TSHZ2: variants seen among roughly 807,000 people sequenced by gnomAD.
TSHZ2 encodes the protein teashirt zinc finger homeobox 2, also known as teashirt homolog 2.
In TSHZ2, 21 loss-of-function variants were observed where a neutral mutation model predicts 74.4. The ratio of observed to expected loss-of-function variants is 0.28; its 90% confidence interval spans 0.20 to 0.41. The LOEUF (loss-of-function observed/expected upper bound fraction) is 0.41, where lower values mean the gene tolerates loss of function less well. Among genes scored for constraint, TSHZ2 ranks in the 10% least tolerant of loss-of-function variants. TSHZ2 has a pLI of 1.00. For missense variants in TSHZ2, 1,244 were observed against 1,293.5 expected, an observed-to-expected ratio of 0.96 and a Z score of 0.59; for synonymous variants, 540 against 515.3, an observed-to-expected ratio of 1.05 and a Z score of -0.65.
chr20:52,986,501 G>A (rs1298839958), intron 1 of TSHZ2, among the ~76,000 whole-genome samples: 1 of 151,894 alleles, frequency 6.6e-6, no homozygotes, highest in Non-Finnish European at 1.5e-5. Context: ...AAGCCGAGGT[G>A]GCAGATCACC....
chr20:53,017,887 T>C lies in TSHZ2; in HGVS notation c.40+44554T>C, dbSNP rs116000763. Among the ~76,000 whole-genome samples, 1,115 of 152,338 alleles carry C rather than the reference T, an allele frequency of 7.3e-3. 15 individuals carry two copies. The highest frequency in any genetic ancestry group is 0.026 in the African/African-American group (1,071 of 41,574). ...TGTCTCTCTTTCACAATAGACTATGTAACTTTCATGGGATTTTATTAATCT... is the reference window on the plus strand; with the variant it reads ...TGTCTCTCTTTCACAATAGACTATGCAACTTTCATGGGATTTTATTAATCT... On this transcript the variant is annotated intron_variant, in intron 1 of 2. Coordinates refer to ENST00000371497, the MANE Select transcript of TSHZ2 (RefSeq NM_173485.6).
intron 1 of TSHZ2, among the ~76,000 whole-genome samples, chr20:53,016,036 T>C (rs558028978): frequency 6.6e-6 from 1 of 152,184 alleles, no homozygotes; most frequent in Non-Finnish European, 1.5e-5. Context: ...CTCAGCGATG[T>C]AAATCACCAT....
rs116399721 is a variant in TSHZ2, at chr20:53,126,254, G to A, written c.41-127245G>A. On this transcript the variant is annotated intron_variant, in intron 1 of 2. Coordinates refer to ENST00000371497, the MANE Select transcript of TSHZ2 (RefSeq NM_173485.6). ...AGCGATGTCCACAAAGAGAGCCAGC[G>A]CTTCCTATGCCTGTGCGATCACACA... is the stretch of plus-strand genomic sequence containing the variant. Among the ~76,000 whole-genome samples, 563 of 152,286 alleles carry A rather than the reference G, an allele frequency of 3.7e-3. 4 individuals carry two copies. The highest frequency in any genetic ancestry group is 0.013 in the African/African-American group (534 of 41,562).
intron 1 of TSHZ2, among the ~76,000 whole-genome samples, chr20:53,079,988 A>T (rs1001706007): frequency 6.6e-6 from 1 of 152,140 alleles, no homozygotes; most frequent in Admixed American, 6.5e-5. Context: ...GCCCAATGAA[A>T]ACTTGTTGCC....
chr20:53,081,341 A>G (rs1985528258), intron 1 of TSHZ2, among the ~76,000 whole-genome samples: 1 of 152,194 alleles, frequency 6.6e-6, no homozygotes. Context: ...TGCTTCCTTA[A>G]AACATAATTT....
chr20:53,419,321 C>T (rs1983383489), intron 2 of TSHZ2, among the ~76,000 whole-genome samples: 1 of 152,170 alleles, frequency 6.6e-6, no homozygotes, highest in African/African-American at 2.4e-5. Flanking sequence ...ACTCTTTGGA[C>T]TTTCATCTTT....
chr20:53,023,663 A>G lies in TSHZ2; in HGVS notation c.40+50330A>G, dbSNP rs895343073. ...GTTTTTTATGAGTTATCAAGTTATC[A>G]TGTTTCAAATACCATTTTTCTTCCT... On this transcript the variant is annotated intron_variant, in intron 1 of 2. Coordinates refer to ENST00000371497, the MANE Select transcript of TSHZ2 (RefSeq NM_173485.6). Among the ~76,000 whole-genome samples, 18 of 151,186 alleles carry G rather than the reference A, an allele frequency of 1.2e-4. No homozygotes were observed. The East Asian group carries it at 3.5e-3, about 29-fold the overall frequency.
At chr20:53,388,572 C>G (rs1270691736) in intron 2 of TSHZ2, among the ~76,000 whole-genome samples, 1 of 151,550 alleles carries the variant, frequency 6.6e-6, no homozygotes, top group Non-Finnish European at 1.5e-5. Flanking sequence ...CTTTCTTCTT[C>G]TACTTTTCTT....
chr20:53,309,932 C>T (rs1978708135), intron 2 of TSHZ2, among the ~76,000 whole-genome samples: 1 of 152,136 alleles, frequency 6.6e-6, no homozygotes, highest in African/African-American at 2.4e-5. Context: ...AACTCCATCT[C>T]GTTATTGGAC....
intron 1 of TSHZ2, among the ~76,000 whole-genome samples, chr20:52,983,129 T>C (rs1463876171): frequency 1.3e-5 from 2 of 152,184 alleles, no homozygotes; most frequent in African/African-American, 2.4e-5. Flanking sequence ...ATGGCGAGGC[T>C]GTGGAAAGGC....
intron 2 of TSHZ2, among the ~76,000 whole-genome samples, chr20:53,260,269 C>T (rs1990577227): frequency 6.6e-6 from 1 of 152,316 alleles, no homozygotes; most frequent in South Asian, 2.1e-4. Context: ...TTTATTCTCA[C>T]AAACAGCCGT....
At chr20:53,406,183 G>A (rs1216036217) in intron 2 of TSHZ2, among the ~76,000 whole-genome samples, 1 of 151,966 alleles carries the variant, frequency 6.6e-6, no homozygotes, top group African/African-American at 2.4e-5. Context: ...ATAAGAGGGA[G>A]AGAGCTGATG....
chr20:53,264,392 A>C (rs950303058), intron 2 of TSHZ2, among the ~76,000 whole-genome samples: 3 of 152,244 alleles, frequency 2.0e-5, no homozygotes, highest in African/African-American at 7.2e-5. Context: ...CTTATGCAGC[A>C]CTGGGCCACC....
chr20:53,303,279 C>T (rs1978384491), intron 2 of TSHZ2, among the ~76,000 whole-genome samples: 2 of 152,176 alleles, frequency 1.3e-5, no homozygotes, highest in African/African-American at 4.8e-5. Flanking sequence ...GACCTTTAAG[C>T]AATGATGACG....
chr20:53,170,866 C>T (rs1225422123), intron 1 of TSHZ2, among the ~76,000 whole-genome samples: 1 of 151,812 alleles, frequency 6.6e-6, no homozygotes, highest in Non-Finnish European at 1.5e-5. Context: ...CTGGCTCTCC[C>T]TCCTCCAGTC....
chr20:53,461,085 GGCT>G (rs1568928368), intron 2 of TSHZ2, among the ~76,000 whole-genome samples: 1 of 150,102 alleles, frequency 6.7e-6, no homozygotes, highest in African/African-American at 2.4e-5. Flanking sequence ...CGAGCTTCCC[GGCT>G]GCTTTGTTTA....
chr20:53,030,829 C>A (rs188267701), intron 1 of TSHZ2, among the ~76,000 whole-genome samples: 1 of 152,138 alleles, frequency 6.6e-6, no homozygotes, highest in African/African-American at 2.4e-5. Context: ...TAGAGGATAG[C>A]GTAATCCAGT....
intron 2 of TSHZ2, among the ~76,000 whole-genome samples, chr20:53,342,955 CTTTTTTTTTTTT>C (rs1175907478): frequency 9.8e-5 from 6 of 61,218 alleles, no homozygotes; most frequent in South Asian, 8.2e-4. Flanking sequence ...CTTTTCTTTT[CTTTTTTTTTTTT>C]TTTTTTTTTT....
chr20:53,117,193 T>C (rs565049298), intron 1 of TSHZ2, among the ~76,000 whole-genome samples: 48 of 152,242 alleles, frequency 3.2e-4, no homozygotes, highest in African/African-American at 1.1e-3. Context: ...AACTACAGCA[T>C]ATGAATTTTA....
Sources: gnomAD v4.1 joint callset for allele counts (sites outside exome capture counted in the v4.1 genomes callset) on GRCh38, gnomAD v4.1.1 for gene constraint, MANE v1.5 for transcripts, NCBI Gene and HGNC (gene_info 2026-07-23, HGNC 2026-07-21) for gene names.